DUXA: variants seen among roughly 807,000 people sequenced by gnomAD.
The protein encoded by DUXA is double homeobox protein A.
Under a neutral mutation model 27.5 loss-of-function variants are expected in DUXA, and 25 were observed. That is an observed-to-expected ratio of 0.91 (90% CI 0.66 to 1.27). DUXA has a LOEUF of 1.27. Among genes scored for constraint, DUXA ranks in the 50% most tolerant of loss-of-function variants. The probability of loss-of-function intolerance (pLI) is 0.00; values close to 1 mark genes in which losing one functional copy is unlikely to be tolerated. For synonymous variants in DUXA, 90 were observed against 80.5 expected, an observed-to-expected ratio of 1.12 and a Z score of -0.63; for missense variants, 247 against 242.9, an observed-to-expected ratio of 1.02 and a Z score of -0.11.
At chr19:57,158,979 A>C (rs1322355522) in intron 3 of DUXA, among the ~76,000 whole-genome samples, 188 bp downstream of exon 3, 1 of 152,066 alleles carries the variant, frequency 6.6e-6, no homozygotes, top group Non-Finnish European at 1.5e-5. Context: ...GTGAGACTCC[A>C]TCTCAATAAA....
intron 1 of DUXA, among the ~76,000 whole-genome samples, chr19:57,162,992 T>A (rs2087032216): frequency 6.6e-6 from 1 of 151,808 alleles, no homozygotes; most frequent in Non-Finnish European, 1.5e-5. Context: ...GACCTCATCA[T>A]ACGCGACATT....
At chr19:57,159,520 C>A (rs988866807) in intron 2 of DUXA, among the ~76,000 whole-genome samples, 1 of 151,816 alleles carries the variant, frequency 6.6e-6, no homozygotes, top group African/African-American at 2.4e-5. Context: ...TTCAAGTATT[C>A]TCCTGGCTCA....
intron 1 of DUXA, among the ~76,000 whole-genome samples, chr19:57,164,320 A>T (rs1045941817): frequency 6.6e-6 from 1 of 152,226 alleles, no homozygotes; most frequent in Non-Finnish European, 1.5e-5. Context: ...TCACGCCTAT[A>T]ATCCCAGCAC....
At chr19:57,165,319 A>AT (rs1568465237) in intron 1 of DUXA, among the ~76,000 whole-genome samples, 189 of 109,770 alleles carry the variant, frequency 1.7e-3, no homozygotes, top group Middle Eastern at 4.7e-3. Flanking sequence ...GAAAAAAAAA[A>AT]AAAAAATATA....
chr19:57,154,592 C>T, intron 5 of DUXA, 110 bp from the exon 6 acceptor site: 3 of 842,306 alleles, frequency 3.6e-6, no homozygotes, highest in Non-Finnish European at 5.3e-6. Context: ...TAGACGGAGT[C>T]TCACTTTGTC....
chr19:57,165,347 A>ATATG (rs2087048248), intron 1 of DUXA, among the ~76,000 whole-genome samples: 1 of 142,634 alleles, frequency 7.0e-6, no homozygotes, highest in African/African-American at 2.5e-5. Context: ...ATATATATGT[A>ATATG]TATATATATA....
chr19:57,157,852 G>A (rs2086999895), intron 4 of DUXA, among the ~76,000 whole-genome samples: 1 of 151,940 alleles, frequency 6.6e-6, no homozygotes, highest in East Asian at 2.0e-4. Flanking sequence ...ATATTAGCCA[G>A]GCGTGGTGGC....
chr19:57,164,238 T>C (rs952054078), intron 1 of DUXA, among the ~76,000 whole-genome samples: 2 of 152,202 alleles, frequency 1.3e-5, no homozygotes, highest in African/African-American at 4.8e-5. Context: ...CAAGGATGCC[T>C]CTGTACCCCA....
At chr19:57,154,562 CT>C in intron 5 of DUXA, 80 bp from the exon 6 acceptor site, 1 of 1,173,728 alleles carries the variant, frequency 8.5e-7, no homozygotes, top group Admixed American at 2.3e-5. Context: ...CTTTTCCCAC[CT>C]TTTCTTTTTT....
intron 1 of DUXA, among the ~76,000 whole-genome samples, chr19:57,161,052 A>G (rs901157588): frequency 9.2e-5 from 14 of 151,888 alleles, no homozygotes; most frequent in Non-Finnish European, 1.5e-5. Context: ...TGAGCCGGGC[A>G]TGGTGGTTGA....
At chr19:57,161,710 A>G (rs1231783679) in intron 1 of DUXA, among the ~76,000 whole-genome samples, 1 of 152,114 alleles carries the variant, frequency 6.6e-6, no homozygotes, top group African/African-American at 2.4e-5. Flanking sequence ...TTTTTAAAAA[A>G]CAATGTGTTC....
Position 57,163,755 on chromosome 19 carries a change from GT to G in DUXA, c.26-2959del, listed in dbSNP as rs377585526. ...ATTTCTTAAACTTGTTTAAAGGGTA[GT>G]TGTCACATGGAGTCTGAAAACATAT... On this transcript the variant is annotated intron_variant, in intron 1 of 5. Coordinates refer to ENST00000554048, the MANE Select transcript of DUXA (RefSeq NM_001012729.2). Among the ~76,000 whole-genome samples, 1,314 of 152,310 alleles carry G rather than the reference GT, an allele frequency of 8.6e-3. 22 individuals are homozygous for G. Among genetic ancestry groups the G allele is most frequent in the African/African-American group, 0.031 (1,278 of 41,572 alleles).
At chr19:57,163,224 C>T (rs996202017) in intron 1 of DUXA, among the ~76,000 whole-genome samples, 3 of 152,220 alleles carry the variant, frequency 2.0e-5, no homozygotes, top group East Asian at 1.9e-4. Context: ...GCTTGCACAC[C>T]ATCTTCTCAG....
At chr19:57,161,904 T>G (rs1400862453) in intron 1 of DUXA, among the ~76,000 whole-genome samples, 1 of 152,066 alleles carries the variant, frequency 6.6e-6, no homozygotes, top group East Asian at 1.9e-4. Flanking sequence ...TATTTTTATT[T>G]TTTCAGGCAG....
chr19:57,167,477 C>G lies in DUXA; in HGVS notation c.-34G>C. The G allele has an allele frequency of 6.2e-7, 1 of 1,610,230 alleles. No homozygotes were observed. The highest frequency in any genetic ancestry group is 2.2e-5 in the East Asian group (1 of 44,800). ...AGAGTCCTGAAGGCTGAGCCACTGT[C>G]TGGGAGACAAGTCACTCTGCGCAGA... On this transcript the variant is annotated 5_prime_UTR_variant, in exon 1 of 6. Coordinates refer to ENST00000554048, the MANE Select transcript of DUXA (RefSeq NM_001012729.2).
intron 1 of DUXA, among the ~76,000 whole-genome samples, chr19:57,162,560 T>G (rs2087029532): frequency 6.6e-6 from 1 of 151,560 alleles, no homozygotes; most frequent in South Asian, 2.1e-4. Context: ...ACACACCTGG[T>G]CCATTGTTTT....
chr19:57,154,264 A>C lies in DUXA; in HGVS notation c.*148T>G, dbSNP rs1030945010. 1.0e-5 allele frequency: 7 copies of C among 680,296 alleles called. No individual in the cohort carries two copies. The African/African-American group carries it at 1.3e-4, about 12-fold the overall frequency. 42.1% of individuals were successfully genotyped at this position (680,296 alleles called of 1,614,324 possible). ...TGGCCTCCCAAAGTAGTGGGATTACAAGTGTGACCCACCACATCTGGCCAA... is the reference window on the plus strand; with the variant it reads ...TGGCCTCCCAAAGTAGTGGGATTACCAGTGTGACCCACCACATCTGGCCAA... On this transcript the variant is annotated 3_prime_UTR_variant, in exon 6 of 6. Transcript: ENST00000554048.
At chr19:57,155,991 C>T (rs769320131) in intron 4 of DUXA, among the ~76,000 whole-genome samples, 1 of 152,068 alleles carries the variant, frequency 6.6e-6, no homozygotes, top group Non-Finnish European at 1.5e-5. Context: ...CATTTTATGA[C>T]ATTTGTGAGA....
Position 57,154,336 on chromosome 19 carries a change from G to T in DUXA, c.*76C>A. On this transcript the variant is annotated 3_prime_UTR_variant, in exon 6 of 6. Coordinates refer to ENST00000554048, the MANE Select transcript of DUXA (RefSeq NM_001012729.2). ...GCTTAGCTTGCAGTTTCAGCAGAAGGATAGACTCCCAGGAAGACCGTGAGA... is the reference window on the plus strand; with the variant it reads ...GCTTAGCTTGCAGTTTCAGCAGAAGTATAGACTCCCAGGAAGACCGTGAGA... 5.0e-6 allele frequency: 7 copies of T among 1,387,514 alleles called. No homozygotes were observed. The highest frequency in any genetic ancestry group is 4.7e-5 in the South Asian group (4 of 85,134). 86.0% of individuals were successfully genotyped at this position (1,387,514 alleles called of 1,614,324 possible).
Sources: gnomAD v4.1 joint callset for allele counts (sites outside exome capture counted in the v4.1 genomes callset) on GRCh38, gnomAD v4.1.1 for gene constraint, MANE v1.5 for transcripts, NCBI Gene and HGNC (gene_info 2026-07-23, HGNC 2026-07-21) for gene names.